Variants in CNTNAP4 observed in about 807,000 individuals in gnomAD.
CNTNAP4 encodes the protein contactin associated protein family member 4.
In CNTNAP4, 98 loss-of-function variants were observed where a neutral mutation model predicts 148.4. That is an observed-to-expected ratio of 0.66 (90% CI 0.56 to 0.78). The LOEUF is 0.78. CNTNAP4 is among the 30% of genes least tolerant of loss of function. The pLI, the probability that CNTNAP4 is intolerant of heterozygous loss-of-function variation, is 0.00. For synonymous variants in CNTNAP4, 730 were observed against 565.1 expected, an observed-to-expected ratio of 1.29 and a Z score of -4.14; for missense variants, 1,935 against 1,565.6, an observed-to-expected ratio of 1.24 and a Z score of -3.98.
At chr16:76,297,968 C>T (rs566005772) in intron 1 of CNTNAP4, among the ~76,000 whole-genome samples, 3 of 152,072 alleles carry the variant, frequency 2.0e-5, no homozygotes, top group East Asian at 1.9e-4. Context: ...TTCTTATCAC[C>T]CGTAATCAGA....
At chr16:76,523,420 A>T (rs1360375199) in intron 17 of CNTNAP4, among the ~76,000 whole-genome samples, 1 of 151,832 alleles carries the variant, frequency 6.6e-6, no homozygotes, top group Non-Finnish European at 1.5e-5. Flanking sequence ...TAATATTTAT[A>T]TCAGAATGTT....
intron 1 of CNTNAP4, among the ~76,000 whole-genome samples, chr16:76,284,766 T>C (rs1958816782): frequency 6.6e-6 from 1 of 152,010 alleles, no homozygotes; most frequent in African/African-American, 2.4e-5. Flanking sequence ...CATGCCTGTA[T>C]GTGTATGCAT....
At chr16:76,295,504 G>A (rs1330888490) in intron 1 of CNTNAP4, among the ~76,000 whole-genome samples, 1 of 152,088 alleles carries the variant, frequency 6.6e-6, no homozygotes, top group East Asian at 1.9e-4. Context: ...AACAGGAAAT[G>A]GAGTCTAACT....
intron 3 of CNTNAP4, among the ~76,000 whole-genome samples, chr16:76,390,660 G>A (rs2016904815): frequency 6.6e-6 from 1 of 151,622 alleles, no homozygotes; most frequent in African/African-American, 2.4e-5. Context: ...AGCCTGGAAT[G>A]TGGCTTCACA....
intron 23 of CNTNAP4, chr16:76,557,572 T>C (rs1298916414): frequency 6.6e-6 from 1 of 152,216 alleles, no homozygotes; most frequent in Non-Finnish European, 1.5e-5. Flanking sequence ...GATTCTTAAA[T>C]AAATTTGGCT....
At chr16:76,356,047 G>A (rs1026083030) in intron 3 of CNTNAP4, among the ~76,000 whole-genome samples, 1 of 151,586 alleles carries the variant, frequency 6.6e-6, no homozygotes, top group Non-Finnish European at 1.5e-5. Flanking sequence ...GCTAATTTTT[G>A]TGTTTTTAGT....
Position 76,535,724 on chromosome 16 carries a change from C to T in CNTNAP4, c.2935C>T (p.Pro979Ser), listed in dbSNP as rs2084186461. The T allele has an allele frequency of 1.2e-6, 2 of 1,613,754 alleles. No homozygotes were observed. Among genetic ancestry groups the T allele is most frequent in the Non-Finnish European group, 1.7e-6 (2 of 1,179,726 alleles). ...CAATGGAGGGAAATGCAGAGAAAGA[C>T]CCATTGGGTTCTTTTGTGACTGCAC... is the stretch of plus-strand genomic sequence containing the variant. ...CRNGGKCRERPIGFFCDCTFS... is the reference protein window; with the variant it reads ...CRNGGKCRERSIGFFCDCTFS... The change falls in exon 18 of 24, where the codon CCC becomes TCC. Residue 979 changes from proline to serine, a missense_variant. Pro to Ser is a moderately conservative substitution (Grantham distance 74). Coordinates refer to ENST00000611870, the MANE Select transcript of CNTNAP4 (RefSeq NM_033401.5).
chr16:76,329,750 G>C (rs1963338021), intron 2 of CNTNAP4, among the ~76,000 whole-genome samples: 1 of 152,006 alleles, frequency 6.6e-6, no homozygotes, highest in Admixed American at 6.6e-5. Context: ...ATAATTAATA[G>C]TAACAGTATA....
At chr16:76,313,870 A>G (rs1279983621) in intron 1 of CNTNAP4, among the ~76,000 whole-genome samples, 1 of 152,198 alleles carries the variant, frequency 6.6e-6, no homozygotes, top group Non-Finnish European at 1.5e-5. Flanking sequence ...ATTTTAAATT[A>G]TAGAATGTAT....
intron 2 of CNTNAP4, among the ~76,000 whole-genome samples, chr16:76,334,831 T>G (rs1422845174): frequency 6.6e-6 from 1 of 152,094 alleles, no homozygotes; most frequent in Non-Finnish European, 1.5e-5. Flanking sequence ...CTACTTATTT[T>G]CTGAGTTTTA....
At chr16:76,516,221 C>A (rs1167095053) in intron 15 of CNTNAP4, among the ~76,000 whole-genome samples, 1 of 151,758 alleles carries the variant, frequency 6.6e-6, no homozygotes, top group Non-Finnish European at 1.5e-5. Context: ...TGTTAGTGTG[C>A]TGAGACTAAT....
chr16:76,428,151 A>G (rs1007569922), intron 4 of CNTNAP4, among the ~76,000 whole-genome samples: 3 of 152,220 alleles, frequency 2.0e-5, no homozygotes, highest in African/African-American at 7.2e-5. Flanking sequence ...AAAAAGATAG[A>G]AACCACAGAT....
chr16:76,492,278 A>T (rs1020569428), intron 13 of CNTNAP4, among the ~76,000 whole-genome samples: 1 of 152,140 alleles, frequency 6.6e-6, no homozygotes, highest in African/African-American at 2.4e-5. Flanking sequence ...AATATAAAGT[A>T]GCTATGTTAA....
At chr16:76,483,525 G>A (rs1042674200) in intron 12 of CNTNAP4, among the ~76,000 whole-genome samples, 1 of 152,244 alleles carries the variant, frequency 6.6e-6, no homozygotes, top group East Asian at 1.9e-4. Flanking sequence ...GAGCACTGTA[G>A]CTCACGCCTG....
At chr16:76,283,409 TAAGTGCCC>T (rs975601850) in intron 1 of CNTNAP4, among the ~76,000 whole-genome samples, 5 of 151,920 alleles carry the variant, frequency 3.3e-5, no homozygotes, top group African/African-American at 1.2e-4. Context: ...GGAATCAACC[TAAGTGCCC>T]ATTAGTGATA....
chr16:76,418,312 G>GT (rs1021441483), intron 3 of CNTNAP4, among the ~76,000 whole-genome samples: 3 of 143,690 alleles, frequency 2.1e-5, no homozygotes, highest in Admixed American at 7.0e-5. Context: ...TCTATTACAG[G>GT]TTTTTTTCTT....
intron 3 of CNTNAP4, among the ~76,000 whole-genome samples, chr16:76,426,066 T>G (rs1228519577): frequency 6.6e-6 from 1 of 152,064 alleles, no homozygotes; most frequent in African/African-American, 2.4e-5. Context: ...TTGGATATAA[T>G]TTGGAGATGC....
intron 17 of CNTNAP4, among the ~76,000 whole-genome samples, chr16:76,534,323 C>T (rs985439159): frequency 3.9e-5 from 6 of 152,150 alleles, no homozygotes; most frequent in African/African-American, 7.2e-5. Flanking sequence ...GGTTAAGGAG[C>T]TACCTAAATG....
intron 17 of CNTNAP4, among the ~76,000 whole-genome samples, chr16:76,522,584 T>C (rs1486649739): frequency 6.9e-6 from 1 of 145,226 alleles, no homozygotes; most frequent in Non-Finnish European, 1.5e-5. Context: ...CCTCCTTTCT[T>C]TCTCTCTCTC....
Sources: allele counts gnomAD v4.1 joint callset (sites outside exome capture counted in the v4.1 genomes callset), GRCh38; gene constraint gnomAD v4.1.1; transcripts MANE v1.5; gene names NCBI Gene and HGNC (gene_info 2026-07-23, HGNC 2026-07-21).